Variants in SNRPN observed in about 807,000 individuals in gnomAD.
SNRPN encodes the protein small nuclear ribonucleoprotein polypeptide N.
A neutral mutation model predicts 25.2 loss-of-function variants in SNRPN; 7 were observed. That is an observed-to-expected ratio of 0.28 (90% CI 0.16 to 0.52). The LOEUF (loss-of-function observed/expected upper bound fraction) is 0.52, where lower values mean the gene tolerates loss of function less well. SNRPN is among the 20% of genes least tolerant of loss of function. The pLI, the probability that SNRPN is intolerant of heterozygous loss-of-function variation, is 0.96. For synonymous variants in SNRPN, 124 were observed against 110.6 expected (o/e 1.12, Z -0.76); for missense variants, 196 against 322.5 (o/e 0.61, Z 3.00).
At chr15:24,844,913 T>C (rs2052050898) in intron 2 of SNRPN, among the ~76,000 whole-genome samples, 1 of 152,226 alleles carries the variant, frequency 6.6e-6, no homozygotes, top group Admixed American at 6.5e-5. Flanking sequence ...ACCTACAGTA[T>C]TTTCCTTAGA....
chr15:24,931,428 AT>A (rs1025890239), intron 3 of SNRPN, among the ~76,000 whole-genome samples: 2 of 152,140 alleles, frequency 1.3e-5, no homozygotes, highest in African/African-American at 4.8e-5. Context: ...GTGACTGGGT[AT>A]TTTAAAGGAA....
intron 2 of SNRPN, among the ~76,000 whole-genome samples, chr15:24,906,620 G>A (rs1263016284): frequency 6.6e-6 from 1 of 152,270 alleles, no homozygotes; most frequent in Middle Eastern, 3.4e-3. Flanking sequence ...GTAGGTCAGA[G>A]AATTCTTTTG....
Position 24,977,843 on chromosome 15 carries a change from T to G in SNRPN, c.486T>G (p.Ala162=), listed in dbSNP as rs1330647772. 2 of 1,613,502 alleles carry G rather than the reference T, an allele frequency of 1.2e-6. No homozygotes were observed. Among genetic ancestry groups the G allele is most frequent in the Non-Finnish European group, 1.7e-6 (2 of 1,179,734 alleles). Reference sequence around the variant, plus strand: ...CTGTTGCTGCGACTGCCAGTATTGCTGGAGCCCCAACACAGTACCCACCAG... The same window carrying G: ...CTGTTGCTGCGACTGCCAGTATTGCGGGAGCCCCAACACAGTACCCACCAG... ...AAAVAATASI[A]GAPTQYPPGR... Residue 162 remains alanine (A), a synonymous_variant, in exon 8 of 10, where the codon GCT becomes GCG. Coordinates refer to ENST00000390687, the MANE Select transcript of SNRPN (RefSeq NM_003097.6).
chr15:24,918,938 C>T lies in SNRPN; in HGVS notation c.-504-1073C>T, dbSNP rs12914997. On this transcript the variant is annotated intron_variant, in intron 2 of 11. Coordinates refer to the SNRPN transcript ENST00000400097. The stretch of plus-strand genomic sequence containing the variant: ...ATATAACATAATATATATATGCGCA[C>T]ATATATATAACATAATATATATGCG... Among the ~76,000 whole-genome samples the T allele has an allele frequency of 8.3e-4, 42 of 50,590 alleles. 9 individuals are homozygous for T. The highest frequency in any genetic ancestry group is 1.1e-3 in the African/African-American group (10 of 8,934). 33.2% of individuals were successfully genotyped at this position (50,590 alleles called of 152,430 possible).
intron 2 of SNRPN, 79 bp downstream of exon 2, chr15:24,962,288 G>T: frequency 1.8e-6 from 2 of 1,126,844 alleles, no homozygotes; most frequent in South Asian, 1.3e-5. Context: ...GCAATGAGGG[G>T]ATTAAAATGA....
intron 4 of SNRPN, chr15:24,975,022 A>C: frequency 4.3e-6 from 3 of 701,666 alleles, no homozygotes; most frequent in Non-Finnish European, 7.8e-6. Flanking sequence ...AACAGTACAG[A>C]GAAAAGCAGT....
At chr15:24,946,516 C>A (rs2061899539) in intron 3 of SNRPN, among the ~76,000 whole-genome samples, 1 of 152,202 alleles carries the variant, frequency 6.6e-6, no homozygotes, top group South Asian at 2.1e-4. Flanking sequence ...ATCACCCAGA[C>A]TAGAGTGCAG....
At chr15:24,935,947 T>C (rs985525999) in intron 3 of SNRPN, among the ~76,000 whole-genome samples, 1 of 151,896 alleles carries the variant, frequency 6.6e-6, no homozygotes, top group Non-Finnish European at 1.5e-5. Context: ...AAACCACGTC[T>C]CTACTAAAAA....
chr15:24,879,039 A>T (rs544987458), intron 1 of SNRPN, among the ~76,000 whole-genome samples: 281 of 152,040 alleles, frequency 1.8e-3, no homozygotes, highest in Non-Finnish European at 2.7e-3. Flanking sequence ...AAATATATTT[A>T]AAAAAGTATT....
In SNRPN at chr15:24,927,475, AATTTTTTTTT is replaced by A. The variant is rs1257781398; in HGVS notation, c.-391+7352_-391+7361del. 1.5e-3 allele frequency among the ~76,000 whole-genome samples: 170 copies of A among 113,284 alleles called. 5 individuals carry two copies. The highest frequency in any genetic ancestry group is 2.7e-3 in the African/African-American group (80 of 29,588). 74.3% of individuals were successfully genotyped at this position (113,284 alleles called of 152,430 possible). A position where few individuals can be genotyped will look rare whatever the true frequency, so the allele number is the denominator to read the frequency against. On this transcript the variant is annotated intron_variant, in intron 3 of 11. Transcript: ENST00000400097. ...TTTCCCACTGCTTATAAAGTTTTTA[AATTTTTTTTT>A]TTTTTTTTTTTTTTTTTTTTTTTTT...
upstream of SNRPN, among the ~76,000 whole-genome samples, chr15:24,855,401 T>C (rs1388666570): frequency 2.0e-5 from 3 of 152,188 alleles, no homozygotes; most frequent in Non-Finnish European, 4.4e-5. Context: ...GAAACTTGAT[T>C]TTGACTGAGT....
chr15:24,942,910 T>C (rs1032063073), intron 3 of SNRPN, among the ~76,000 whole-genome samples: 11 of 152,128 alleles, frequency 7.2e-5, no homozygotes, highest in South Asian at 2.1e-4. Flanking sequence ...TATAATCCCA[T>C]TGGGCAATGA....
At chr15:24,964,318 T>A (rs1257067458) in intron 2 of SNRPN, among the ~76,000 whole-genome samples, 2 of 152,136 alleles carry the variant, frequency 1.3e-5, no homozygotes, top group East Asian at 3.9e-4. Flanking sequence ...TCTTTTTTCA[T>A]CTCTTCATTC....
chr15:24,977,848 C>A lies in SNRPN; in HGVS notation c.491C>A (p.Ala164Asp). The change falls in exon 8 of 10, where the codon GCC becomes GAC. Residue 164 changes from alanine (A) to aspartate (D), a missense_variant. Transcript: ENST00000390687. The stretch of plus-strand genomic sequence containing the variant: ...GCTGCGACTGCCAGTATTGCTGGAG[C>A]CCCAACACAGTACCCACCAGGACGG... Reference protein sequence around the residue: ...AVAATASIAGAPTQYPPGRGT... With the variant: ...AVAATASIAGDPTQYPPGRGT... The A allele has an allele frequency of 6.2e-7, 1 of 1,613,160 alleles. No individual in the cohort carries two copies. Among genetic ancestry groups the A allele is most frequent in the Non-Finnish European group, 8.5e-7 (1 of 1,179,424 alleles).
At chr15:24,896,867 A>G (rs1230358871) in intron 2 of SNRPN, among the ~76,000 whole-genome samples, 1 of 152,166 alleles carries the variant, frequency 6.6e-6, no homozygotes. Context: ...AAAAAGTAAC[A>G]GAGTCTGCGC....
chr15:24,866,312 G>T (rs1042975523), intron 1 of SNRPN, among the ~76,000 whole-genome samples: 6 of 152,112 alleles, frequency 3.9e-5, no homozygotes, highest in Non-Finnish European at 7.4e-5. Context: ...AATGTGCATT[G>T]TGGAATGGCT....
At chr15:24,962,705 C>A (rs1184051345) in intron 2 of SNRPN, among the ~76,000 whole-genome samples, 1 of 152,082 alleles carries the variant, frequency 6.6e-6, no homozygotes, top group Non-Finnish European at 1.5e-5. Context: ...CACAGACACA[C>A]TCAGACACAT....
intron 3 of SNRPN, among the ~76,000 whole-genome samples, chr15:24,935,900 C>T (rs1023603086): frequency 4.6e-5 from 7 of 151,968 alleles, no homozygotes; most frequent in Non-Finnish European, 1.0e-4. Context: ...GGGTGGATCA[C>T]GAGGTCAGTT....
At chr15:24,838,593 A>G (rs190347675) in intron 2 of SNRPN, among the ~76,000 whole-genome samples, 1 of 152,128 alleles carries the variant, frequency 6.6e-6, no homozygotes, top group Non-Finnish European at 1.5e-5. Context: ...TTCCCTATCT[A>G]TCAGATAAGG....
Sources: gnomAD v4.1 joint callset for allele counts (sites outside exome capture counted in the v4.1 genomes callset) on GRCh38, gnomAD v4.1.1 for gene constraint, MANE v1.5 for transcripts, NCBI Gene and HGNC (gene_info 2026-07-23, HGNC 2026-07-21) for gene names.